EYS: variants seen among roughly 807,000 people sequenced by gnomAD.
EYS encodes the protein EGF-like photoreceptor maintenance factor, also known as protein eyes shut homolog.
In EYS, 250 loss-of-function variants were observed where a neutral mutation model predicts 282.1. The observed-to-expected ratio is 0.89, with a 90% CI of 0.80 to 0.98. The LOEUF (loss-of-function observed/expected upper bound fraction) is 0.98, where lower values mean the gene tolerates loss of function less well. Among genes scored for constraint, EYS ranks in the 50% least tolerant of loss-of-function variants. The pLI, the probability that EYS is intolerant of heterozygous loss-of-function variation, is 0.00. For missense variants in EYS, 4,016 were observed against 3,709.0 expected, an observed-to-expected ratio of 1.08 and a Z score of -2.15; for synonymous variants, 1,355 against 1,282.9, an observed-to-expected ratio of 1.06 and a Z score of -1.20.
At chr6:63,851,209 G>A (rs181667651) in intron 36 of EYS, among the ~76,000 whole-genome samples, 15 of 152,118 alleles carry the variant, frequency 9.9e-5, no homozygotes, top group South Asian at 2.1e-4. Context: ...ACTTAGATTC[G>A]CACACAATAA....
At chr6:65,509,773 G>A (rs1042567596) in intron 2 of EYS, among the ~76,000 whole-genome samples, 1 of 152,134 alleles carries the variant, frequency 6.6e-6, no homozygotes, top group Non-Finnish European at 1.5e-5. Flanking sequence ...TCAATATGGT[G>A]AAATACAGCA....
intron 11 of EYS, among the ~76,000 whole-genome samples, chr6:65,333,326 T>A (rs62408718): frequency 0.016 from 2,417 of 151,830 alleles, 23 homozygotes; most frequent in Non-Finnish European, 0.023. Context: ...TTAACTTCCA[T>A]GTAATTGTAA....
chr6:64,285,845 C>A (rs1314201374), intron 30 of EYS, among the ~76,000 whole-genome samples: 2 of 152,078 alleles, frequency 1.3e-5, no homozygotes, highest in African/African-American at 4.8e-5. Context: ...ACCATGAGAA[C>A]AGTATGGGGG....
chr6:65,695,328 A>G lies in EYS; in HGVS notation c.-448+11807T>C, dbSNP rs1178702537. On this transcript the variant is annotated intron_variant, in intron 1 of 42. Transcript: ENST00000503581. ...AGATTATGACAAATAATATTACAGT[A>G]GGATTAATAATATTTCCCGAAACTC... 2.0e-5 allele frequency among the ~76,000 whole-genome samples: 3 copies of G among 152,124 alleles called. No individual in the cohort carries two copies. The East Asian group carries it at 5.8e-4, about 29-fold the overall frequency.
intron 22 of EYS, among the ~76,000 whole-genome samples, chr6:64,696,663 C>T (rs1770592287): frequency 6.6e-6 from 1 of 152,096 alleles, no homozygotes; most frequent in African/African-American, 2.4e-5. Context: ...GACTCTTCAG[C>T]AGAAGCCATA....
intron 1 of EYS, among the ~76,000 whole-genome samples, chr6:65,694,289 A>AAG (rs1562332914): frequency 1.0e-4 from 15 of 149,216 alleles, no homozygotes; most frequent in African/African-American, 3.4e-4. Flanking sequence ...AAATATATAT[A>AAG]TATGTATAAT....
rs1031389525 is a variant in EYS at position 63,785,507 on chromosome 6, G to A, written c.7723+2598C>T. Reference sequence around the variant, plus strand: ...AGGAGAGGAGAACTGATCTTATTAGGGCAGATAAAACAGTAAGGCACAGCG... The same window carrying A: ...AGGAGAGGAGAACTGATCTTATTAGAGCAGATAAAACAGTAAGGCACAGCG... On this transcript the variant is annotated intron_variant, in intron 39 of 42. Coordinates refer to ENST00000503581, the MANE Select transcript of EYS (RefSeq NM_001142800.2). Among the ~76,000 whole-genome samples, 5 of 152,036 alleles carry A rather than the reference G, an allele frequency of 3.3e-5. No homozygotes were observed. In the East Asian group the frequency reaches 9.6e-4, roughly 29 times the overall value.
chr6:65,251,847 C>T (rs140543839), intron 12 of EYS, among the ~76,000 whole-genome samples: 1 of 152,076 alleles, frequency 6.6e-6, no homozygotes, highest in East Asian at 1.9e-4. Context: ...CAGATTCCTT[C>T]CCCATCCCAG....
chr6:64,127,702 A>G (rs1273849579), intron 31 of EYS, among the ~76,000 whole-genome samples: 1 of 152,162 alleles, frequency 6.6e-6, no homozygotes, highest in Admixed American at 6.5e-5. Context: ...TTAAAAATCA[A>G]TAAACTAAAA....
At chr6:63,780,743 T>G in intron 39 of EYS, among the ~76,000 whole-genome samples, 1 of 152,228 alleles carries the variant, frequency 6.6e-6, no homozygotes, top group East Asian at 1.9e-4. Context: ...GCAGAAGCTC[T>G]TTAGTTTAAT....
At chr6:64,564,896 T>A (rs1213928024) in intron 26 of EYS, among the ~76,000 whole-genome samples, 1 of 152,154 alleles carries the variant, frequency 6.6e-6, no homozygotes, top group Non-Finnish European at 1.5e-5. Context: ...TGGTGATACC[T>A]TACTTTGGTT....
chr6:65,197,127 A>C (rs1345229190), intron 12 of EYS, among the ~76,000 whole-genome samples: 1 of 152,224 alleles, frequency 6.6e-6, no homozygotes, highest in South Asian at 2.1e-4. Flanking sequence ...GGTACATGAG[A>C]GGCAGAATAC....
intron 5 of EYS, among the ~76,000 whole-genome samples, chr6:65,461,613 CT>C (rs1764828214): frequency 2.6e-5 from 4 of 152,022 alleles, no homozygotes; most frequent in Non-Finnish European, 5.9e-5. Context: ...GTTATTGCCA[CT>C]TCATGATCAT....
rs1259720346 is a variant in EYS at position 65,550,294 on chromosome 6, T to C, written c.-332-54301A>G. 4.9e-5 allele frequency among the ~76,000 whole-genome samples: 2 copies of C among 40,490 alleles called. 1 individual carries two copies. The highest frequency in any genetic ancestry group is 7.4e-5 in the Non-Finnish European group (2 of 26,938). The allele number at this position is 40,490 out of a possible 152,430, so 26.6% of individuals were successfully genotyped here. A position where few individuals can be genotyped will look rare whatever the true frequency, so the allele number is the denominator to read the frequency against. ...TTAGACTGGTCAGATATCTGCAAGA[T>C]TGCTTTTTTTTTTTTTTTTTGCTTC... On this transcript the variant is annotated intron_variant, in intron 2 of 42. Transcript: ENST00000503581.
intron 26 of EYS, among the ~76,000 whole-genome samples, chr6:64,576,395 A>AAGTCCTGGCCGGGCGT (rs763682408): frequency 6.6e-6 from 1 of 152,124 alleles, no homozygotes; most frequent in Non-Finnish European, 1.5e-5. Flanking sequence ...GTGACTTTAA[A>AAGTCCTGGCCGGGCGT]AGTCCTAAGT....
At chr6:65,321,126 C>A (rs1769463076) in intron 11 of EYS, among the ~76,000 whole-genome samples, 1 of 149,608 alleles carries the variant, frequency 6.7e-6, no homozygotes, top group Admixed American at 6.7e-5. Context: ...GGGATTAAAA[C>A]TAGTAGAGAG....
chr6:64,643,634 A>G (rs899598748), intron 22 of EYS, among the ~76,000 whole-genome samples: 3 of 152,174 alleles, frequency 2.0e-5, no homozygotes, highest in African/African-American at 7.2e-5. Context: ...AACTTCCACA[A>G]TTCACACATG....
chr6:63,739,304 G>A (rs1024413643), intron 41 of EYS, among the ~76,000 whole-genome samples: 2 of 152,100 alleles, frequency 1.3e-5, no homozygotes, highest in African/African-American at 4.8e-5. Flanking sequence ...ACATGTGTGA[G>A]GGAGAAAACA....
chr6:65,156,491 G>A (rs1413074848), intron 12 of EYS, among the ~76,000 whole-genome samples: 1 of 150,868 alleles, frequency 6.6e-6, no homozygotes, highest in African/African-American at 2.4e-5. Flanking sequence ...ATTTCCCACT[G>A]TGCTCTCTCA....
Sources: allele counts gnomAD v4.1 joint callset (sites outside exome capture counted in the v4.1 genomes callset), GRCh38; gene constraint gnomAD v4.1.1; transcripts MANE v1.5; gene names NCBI Gene and HGNC (gene_info 2026-07-23, HGNC 2026-07-21).